The following CROCC variants were observed in gnomAD, a reference collection of about 807,000 sequenced individuals.
CROCC encodes the protein ciliary rootlet coiled-coil, rootletin.
Under a neutral mutation model 245.2 loss-of-function variants are expected in CROCC, and 180 were observed. That is an observed-to-expected ratio of 0.73 (90% CI 0.65 to 0.83). The LOEUF is 0.83. CROCC is among the 40% of genes least tolerant of loss of function. CROCC has a pLI of 0.00. For missense variants in CROCC, 2,688 were observed against 2,779.4 expected (o/e 0.97, Z 0.74); for synonymous variants, 1,205 against 1,241.6 (o/e 0.97, Z 0.62).
At chr1:16,953,273 G>A (rs1229505690) in intron 20 of CROCC, 29 bp from the exon 21 acceptor site, 2 of 1,552,710 alleles carry the variant, frequency 1.3e-6, no homozygotes, top group East Asian at 4.8e-5. Context: ...CTCCTGGTGT[G>A]TCACAGGCAT....
Position 16,959,701 on chromosome 1 carries a change from C to G in CROCC, c.4032+951C>G, listed in dbSNP as rs1386879127. The stretch of plus-strand genomic sequence containing the variant: ...CAGGAAATGATATTTTAGTGCATGC[C>G]CCCATTGTGTGCAAATTTATTGATA... On this transcript the variant is annotated intron_variant, in intron 26 of 36. Transcript: ENST00000375541. Among the ~76,000 whole-genome samples, 6 of 152,110 alleles carry G rather than the reference C, an allele frequency of 3.9e-5. No individual in the cohort carries two copies. In the East Asian group the frequency reaches 7.7e-4, roughly 20 times the overall value.
intron 24 of CROCC, 147 bp from the exon 25 acceptor site, chr1:16,955,850 C>T: frequency 9.6e-7 from 1 of 1,039,304 alleles, no homozygotes; most frequent in Middle Eastern, 3.2e-4. Flanking sequence ...GGCCCCAGCC[C>T]TGCAGGGCTC....
intron 8 of CROCC, among the ~76,000 whole-genome samples, chr1:16,935,129 A>T (rs565643108): frequency 6.6e-6 from 1 of 152,288 alleles, no homozygotes; most frequent in Non-Finnish European, 1.5e-5. Flanking sequence ...TGAACTCCTG[A>T]CCTCAGGTGA....
chr1:16,958,832 C>T, intron 26 of CROCC, 82 bp downstream of exon 26: 2 of 1,456,610 alleles, frequency 1.4e-6, no homozygotes, highest in Non-Finnish European at 1.9e-6. Flanking sequence ...TGGGGCCATT[C>T]TGAAAGGCCA....
chr1:16,938,059 C>T lies in CROCC; in HGVS notation c.1290+322C>T, dbSNP rs372004665. ...CATCCACGCTCTCCAGGTCCAGATG[C>T]GGCCTCTGGCAACCTAGCTGCCCCC... On this transcript the variant is annotated intron_variant, in intron 10 of 36. Transcript: ENST00000375541. 9.2e-5 allele frequency among the ~76,000 whole-genome samples: 14 copies of T among 152,400 alleles called. No individual in the cohort carries two copies. The East Asian group carries it at 2.1e-3, about 23-fold the overall frequency.
intron 13 of CROCC, among the ~76,000 whole-genome samples, chr1:16,941,599 GCAGGCAC>G (rs548396653): frequency 1.0e-3 from 155 of 152,336 alleles, no homozygotes; most frequent in Admixed American, 2.2e-3. Flanking sequence ...GGGCGTGGTG[GCAGGCAC>G]CTATAGTCCC....
rs531090814 is a variant in CROCC at position 16,955,406 on chromosome 1, G to A, written c.3560G>A (p.Ser1187Asn). The A allele has an allele frequency of 1.4e-5, 23 of 1,603,682 alleles. No individual in the cohort carries two copies. The South Asian group carries it at 2.2e-4, about 15-fold the overall frequency. Residue 1187 changes from serine (S) to asparagine (N), a missense_variant, in exon 24 of 37, where the codon AGC (serine) becomes AAC (asparagine). Physicochemically the swap from Ser to Asn is conservative, Grantham distance 46 (BLOSUM62 1). Around this residue, in one of 9 missense-constraint regions of CROCC, gnomAD observed 1,218 missense variants for 1,286.3 expected, o/e 0.95. Coordinates refer to ENST00000375541, the MANE Select transcript of CROCC (RefSeq NM_014675.5). ...LLEAQRKLRESQEGREVQRQE... is the reference protein window; with the variant it reads ...LLEAQRKLRENQEGREVQRQE... Reference sequence around the variant, plus strand: ...GAGGCCCAGCGCAAGCTGCGTGAGAGCCAGGAGGGCCGGGAGGTGCAGCGC... The same window carrying A: ...GAGGCCCAGCGCAAGCTGCGTGAGAACCAGGAGGGCCGGGAGGTGCAGCGC...
intron 1 of CROCC, among the ~76,000 whole-genome samples, chr1:16,914,766 T>TTG (rs2075285260): frequency 6.6e-6 from 1 of 152,268 alleles, no homozygotes; most frequent in Non-Finnish European, 1.5e-5. Context: ...CTCCTGATTT[T>TTG]CACACAGACT....
chr1:16,932,705 G>C (rs1328854726), intron 8 of CROCC, among the ~76,000 whole-genome samples: 1 of 152,238 alleles, frequency 6.6e-6, no homozygotes, highest in East Asian at 1.9e-4. Context: ...TGAAGAGCTG[G>C]TACAGGGAAA....
chr1:16,932,732 C>T (rs1366238241), intron 8 of CROCC, among the ~76,000 whole-genome samples: 2 of 152,350 alleles, frequency 1.3e-5, no homozygotes, highest in African/African-American at 2.4e-5. Context: ...CCTGCCTCAG[C>T]GGGGGAGCTT....
chr1:16,956,116 G>A lies in CROCC; in HGVS notation c.3824G>A (p.Arg1275Gln), dbSNP rs377401701. Residue 1275 changes from arginine to glutamine, a missense_variant, in exon 25 of 37, where the codon CGG becomes CAG. This residue lies in a region of CROCC where 1,218 missense variants were observed against 1,286.3 expected (regional missense o/e 0.95). Transcript: ENST00000375541. ...RTGLQEVERS[R>Q]LEARRELQEL... ...GGGCTGCAGGAGGTGGAGCGCTCAC[G>A]GCTGGAGGCTCGGCGGGAGCTGCAG... 5.6e-5 allele frequency: 86 copies of A among 1,549,156 alleles called. No individual in the cohort carries two copies. Among genetic ancestry groups the A allele is most frequent in the South Asian group, 1.2e-4 (10 of 83,974 alleles).
At chr1:16,922,539 C>G in intron 1 of CROCC, 124 bp from the exon 2 acceptor site, 6 of 1,359,060 alleles carry the variant, frequency 4.4e-6, no homozygotes, top group Non-Finnish European at 5.0e-6. Context: ...TCCCAGGCTT[C>G]ACTCCATCTT....
At position 16,966,467 on chromosome 1, in the gene CROCC, G is replaced by T. The variant is rs1406834357; in HGVS notation, c.4756G>T (p.Glu1586Ter). 2.7e-5 allele frequency: 42 copies of T among 1,536,738 alleles called. No homozygotes were observed. The highest frequency in any genetic ancestry group is 3.6e-5 in the Non-Finnish European group (41 of 1,145,852). The change falls in exon 30 of 37, where the codon GAG (glutamate) becomes TAG (stop). Residue 1586 changes from glutamate (E) to a stop codon, truncating the protein, a stop_gained. Coordinates refer to ENST00000375541, the MANE Select transcript of CROCC (RefSeq NM_014675.5). LOFTEE classifies it high-confidence loss of function. The surrounding 1 kb of genome is among the most constrained non-coding windows in gnomAD (Gnocchi z 4.8). ...GVQAELALQEESVRRSERERR... is the reference protein window; with the variant it reads ...GVQAELALQE ...CCAGGCGGAGCTGGCGCTGCAGGAGGAGAGTGTGCGGCGCAGTGAGCGGGA... is the reference window on the plus strand; with the variant it reads ...CCAGGCGGAGCTGGCGCTGCAGGAGTAGAGTGTGCGGCGCAGTGAGCGGGA...
chr1:16,968,846 G>A (rs1450572677), intron 31 of CROCC, among the ~76,000 whole-genome samples: 1 of 152,236 alleles, frequency 6.6e-6, no homozygotes, highest in Non-Finnish European at 1.5e-5. Flanking sequence ...AGAGGAGAGA[G>A]GAGTGAGGAC....
chr1:16,948,335 C>G lies in CROCC; in HGVS notation c.2519C>G (p.Ser840Cys). The G allele has an allele frequency of 6.4e-7, 1 of 1,565,826 alleles. No homozygotes were observed. Residue 840 changes from serine to cysteine, a missense_variant, in exon 18 of 37, where the codon TCC becomes TGC. Transcript: ENST00000375541. ...CAGTCTCTGGGTGGGGGCCAGCTCT[C>G]CCGGCAGCTGAGCGGGCGGGAGCAG... ...SQLQEQLAQL[S>C]RQLSGREQEL...
In CROCC at chr1:16,938,939, CA is replaced by C. The variant is rs1414289299; in HGVS notation, c.1406del (p.Gln469ArgfsTer2). 1 of 1,602,632 alleles carries C rather than the reference CA, an allele frequency of 6.2e-7. No homozygotes were observed. Among genetic ancestry groups the C allele is most frequent in the East Asian group, 2.2e-5 (1 of 44,532 alleles). The part of the protein sequence containing the change: ...AVLSDSESGV[Q>X]LSGSERTADA... ...CTTGTCAGACTCTGAGAGCGGCGTCCAGCTGAGCGGCTCTGAGCGCACCGCG... is the reference window on the plus strand; with the variant it reads ...CTTGTCAGACTCTGAGAGCGGCGTCCGCTGAGCGGCTCTGAGCGCACCGCG... On this transcript the variant is annotated frameshift_variant, in exon 12 of 37. Transcript: ENST00000375541. LOFTEE classifies it high-confidence loss of function.
intron 1 of CROCC, among the ~76,000 whole-genome samples, chr1:16,915,634 T>C (rs1557561349): frequency 6.6e-6 from 1 of 150,956 alleles, no homozygotes; most frequent in African/African-American, 2.4e-5. Context: ...AGCAAGACCT[T>C]GTCTCAAAGA....
At position 16,956,057 on chromosome 1, in the gene CROCC, AG is replaced by A; in HGVS notation, c.3766del (p.Ala1256LeufsTer34). 6.4e-7 allele frequency: 1 copy of A among 1,551,208 alleles called. No homozygotes were observed. The highest frequency in any genetic ancestry group is 8.7e-7 in the Non-Finnish European group (1 of 1,147,024). ...TGGCACTCCTAGAGGAGGCACGGAC[AG>A]CTGTGGGCAAGGAGGCCGGGGAGCT... ...KLALLEEART[A>X]VGKEAGELRT... On this transcript the variant is annotated frameshift_variant, in exon 25 of 37. Coordinates refer to ENST00000375541, the MANE Select transcript of CROCC (RefSeq NM_014675.5). LOFTEE classifies it high-confidence loss of function.
Position 16,970,451 on chromosome 1 carries a change from A to G in CROCC, c.5650A>G (p.Lys1884Glu), listed in dbSNP as rs766715444. 5.1e-6 allele frequency: 8 copies of G among 1,576,190 alleles called. No individual in the cohort carries two copies. The highest frequency in any genetic ancestry group is 1.3e-5 in the African/African-American group (1 of 74,104). The change falls in exon 34 of 37, where the codon AAG (lysine) becomes GAG (glutamate). Residue 1884 changes from lysine to glutamate, a missense_variant and splice_region_variant. Lys to Glu is a moderately conservative substitution (Grantham distance 56, BLOSUM62 1). Around this residue, in one of 9 missense-constraint regions of CROCC, gnomAD observed 1,218 missense variants for 1,286.3 expected, o/e 0.95. Transcript: ENST00000375541. ...TGTAGCCCTCAGGAGGACGCTGGAC[A>G]AGGTAGGCTGCTCCCCAGGCTCTCC... ...DRVALRRTLD[K>E]VEREKLRSHE...
Sources: gnomAD v4.1 joint callset for allele counts (sites outside exome capture counted in the v4.1 genomes callset) on GRCh38, gnomAD v4.1.1 for gene constraint, gnomAD v4.1.1 regional missense constraint, Gnocchi (gnomAD v3.1) non-coding constraint, MANE v1.5 for transcripts, NCBI Gene and HGNC (gene_info 2026-07-23, HGNC 2026-07-21) for gene names.